TEX26: variants seen among roughly 807,000 people sequenced by gnomAD.
The protein encoded by TEX26 is testis expressed 26, also known as testis-expressed protein 26.
A neutral mutation model predicts 35.3 loss-of-function variants in TEX26; 34 were observed. That is an observed-to-expected ratio of 0.96 (90% CI 0.73 to 1.28). TEX26 has a LOEUF of 1.28. Among genes scored for constraint, TEX26 ranks in the 50% most tolerant of loss-of-function variants. TEX26 has a pLI of 0.00. For missense variants in TEX26, 371 were observed against 330.1 expected (o/e 1.12, Z -0.96); for synonymous variants, 136 against 111.8 (o/e 1.22, Z -1.36).
chr13:30,951,393 C>A (rs1367043520), intron 2 of TEX26, among the ~76,000 whole-genome samples: 2 of 151,702 alleles, frequency 1.3e-5, no homozygotes, highest in Non-Finnish European at 2.9e-5. Flanking sequence ...TGTGTCCCGT[C>A]CCTTTGGAAA....
At chr13:30,950,451 C>T (rs1953877811) in intron 2 of TEX26, among the ~76,000 whole-genome samples, 1 of 152,116 alleles carries the variant, frequency 6.6e-6, no homozygotes, top group Non-Finnish European at 1.5e-5. Context: ...GCTTCACCAC[C>T]TCAGAGCTGC....
intron 2 of TEX26, among the ~76,000 whole-genome samples, chr13:30,943,546 C>T (rs1002424040): frequency 6.6e-6 from 1 of 151,954 alleles, no homozygotes; most frequent in African/African-American, 2.4e-5. Context: ...TGTTCCAGGC[C>T]TCAGAGGAAA....
At chr13:30,959,478 A>T (rs1246879722) in intron 4 of TEX26, among the ~76,000 whole-genome samples, 1 of 152,242 alleles carries the variant, frequency 6.6e-6, no homozygotes. Context: ...ATTATATTAC[A>T]GATTTCTTGT....
intron 2 of TEX26, 58 bp from the exon 3 acceptor site, chr13:30,952,602 C>T: frequency 7.1e-7 from 1 of 1,410,584 alleles, no homozygotes; most frequent in Non-Finnish European, 9.6e-7. Flanking sequence ...GACATGTGTA[C>T]TTTTGTGAGA....
At chr13:30,958,563 G>C (rs1593585900) in intron 4 of TEX26, among the ~76,000 whole-genome samples, 2 of 152,120 alleles carry the variant, frequency 1.3e-5, no homozygotes, top group South Asian at 4.1e-4. Flanking sequence ...TTCACCCGAG[G>C]ACAGGAGAAT....
chr13:30,952,625 C>T, intron 2 of TEX26, 35 bp from the exon 3 acceptor site: 1 of 1,535,244 alleles, frequency 6.5e-7, no homozygotes, highest in Non-Finnish European at 8.8e-7. Flanking sequence ...TGGTATTTAA[C>T]CTCTAACTCT....
intron 2 of TEX26, among the ~76,000 whole-genome samples, chr13:30,942,810 T>G (rs1448134014): frequency 6.6e-6 from 1 of 152,178 alleles, no homozygotes; most frequent in Non-Finnish European, 1.5e-5. Context: ...TGGCTTTATT[T>G]CTGGGTTCTC....
At chr13:30,960,617 C>T (rs754587866) in intron 4 of TEX26, among the ~76,000 whole-genome samples, 4 of 152,210 alleles carry the variant, frequency 2.6e-5, no homozygotes, top group Non-Finnish European at 5.9e-5. Context: ...AATTTCTAAG[C>T]TCTCTTTCTT....
chr13:30,958,968 T>A (rs1016159661), intron 4 of TEX26, among the ~76,000 whole-genome samples: 1 of 152,104 alleles, frequency 6.6e-6, no homozygotes, highest in Non-Finnish European at 1.5e-5. Context: ...TTACCGCCAA[T>A]CAAAGAGGGG....
chr13:30,938,476 T>G (rs1953355750), intron 1 of TEX26, among the ~76,000 whole-genome samples: 1 of 152,150 alleles, frequency 6.6e-6, no homozygotes, highest in Non-Finnish European at 1.5e-5. Context: ...TGGAGGGCAT[T>G]GCATGGTGAT....
intron 2 of TEX26, among the ~76,000 whole-genome samples, chr13:30,943,677 G>A (rs564090269): frequency 4.1e-4 from 62 of 152,062 alleles, no homozygotes; most frequent in African/African-American, 1.4e-3. Context: ...ATCATAATGG[G>A]ATGCTGGATT....
At chr13:30,959,371 A>T (rs1320990112) in intron 4 of TEX26, among the ~76,000 whole-genome samples, 1 of 152,056 alleles carries the variant, frequency 6.6e-6, no homozygotes. Flanking sequence ...CTCTTCATTC[A>T]TGAATTTTAG....
At position 30,953,536 on chromosome 13, in the gene TEX26, G is replaced by A. The variant is rs565334412; in HGVS notation, c.312+711G>A. Among the ~76,000 whole-genome samples, 84 of 152,302 alleles carry A rather than the reference G, an allele frequency of 5.5e-4. 1 individual carries two copies. The highest frequency in any genetic ancestry group is 1.1e-3 in the Non-Finnish European group (72 of 68,028). On this transcript the variant is annotated intron_variant, in intron 3 of 6. Coordinates refer to ENST00000380473, the MANE Select transcript of TEX26 (RefSeq NM_152325.3). ...GGATTGTTTCCACCTTTTGGCTATTGTGAATTGTGCAGCTATGAACAGCCA... is the reference window on the plus strand; with the variant it reads ...GGATTGTTTCCACCTTTTGGCTATTATGAATTGTGCAGCTATGAACAGCCA...
chr13:30,971,804 G>A (rs1334830684), intron 6 of TEX26, among the ~76,000 whole-genome samples: 1 of 152,180 alleles, frequency 6.6e-6, no homozygotes, highest in Middle Eastern at 3.2e-3. Context: ...GGTAAAGACT[G>A]TGTCATCAGT....
intron 1 of TEX26, among the ~76,000 whole-genome samples, chr13:30,935,084 C>A (rs753968041): frequency 6.6e-6 from 1 of 152,246 alleles, no homozygotes. Context: ...CTTCACCCAT[C>A]CATCCCTGCA....
At chr13:30,945,469 A>C (rs1389403708) in intron 2 of TEX26, among the ~76,000 whole-genome samples, 1 of 151,582 alleles carries the variant, frequency 6.6e-6, no homozygotes, top group African/African-American at 2.4e-5. Flanking sequence ...GTGAGATGTG[A>C]GGTACTGTTC....
chr13:30,960,425 A>G (rs1954292552), intron 4 of TEX26, among the ~76,000 whole-genome samples: 1 of 152,036 alleles, frequency 6.6e-6, no homozygotes, highest in Admixed American at 6.6e-5. Flanking sequence ...TTGTATTTTT[A>G]GTAGAGTCAG....
rs555438544 is a variant in TEX26, at chr13:30,963,929, C to T, written c.470-2293C>T. Among the ~76,000 whole-genome samples the T allele has an allele frequency of 5.3e-5, 8 of 152,246 alleles. No homozygotes were observed. In the South Asian group the frequency reaches 6.2e-4, roughly 12 times the overall value. On this transcript the variant is annotated intron_variant, in intron 4 of 6. Coordinates refer to ENST00000380473, the MANE Select transcript of TEX26 (RefSeq NM_152325.3). ...TCCATCATTGTTCATGTGGAACGGA[C>T]GTTCCAGACTCTTCACAGCCTGGCC...
intron 2 of TEX26, among the ~76,000 whole-genome samples, chr13:30,941,100 G>A (rs1953488843): frequency 6.6e-6 from 1 of 152,176 alleles, no homozygotes; most frequent in Non-Finnish European, 1.5e-5. Flanking sequence ...CAAGCCATCT[G>A]GGGCTCAGTT....
Sources: gnomAD v4.1 joint callset for allele counts (sites outside exome capture counted in the v4.1 genomes callset) on GRCh38, gnomAD v4.1.1 for gene constraint, MANE v1.5 for transcripts, NCBI Gene and HGNC (gene_info 2026-07-23, HGNC 2026-07-21) for gene names.